PCNX2: variants seen among roughly 807,000 people sequenced by gnomAD.
PCNX2 encodes the protein pecanex-like protein 2.
In PCNX2, 168 loss-of-function variants were observed where a neutral mutation model predicts 223.8. The observed-to-expected ratio is 0.75, with a 90% CI of 0.66 to 0.85. PCNX2 has a LOEUF of 0.85. Ranked by LOEUF, PCNX2 falls within the 40% of genes least tolerant of loss-of-function variation. The probability of loss-of-function intolerance (pLI) is 0.00; values close to 1 mark genes in which losing one functional copy is unlikely to be tolerated. For synonymous variants in PCNX2, 1,006 were observed against 1,052.6 expected (o/e 0.96, Z 0.86); for missense variants, 2,507 against 2,675.5 (o/e 0.94, Z 1.39).
At chr1:233,273,903 G>A (rs1027759661) in intron 1 of PCNX2, among the ~76,000 whole-genome samples, 3 of 152,156 alleles carry the variant, frequency 2.0e-5, no homozygotes, top group Non-Finnish European at 2.9e-5. Flanking sequence ...GATTACAGGC[G>A]TGAGTCATCG....
intron 15 of PCNX2, among the ~76,000 whole-genome samples, chr1:233,185,508 A>G (rs536021997): frequency 2.0e-5 from 3 of 152,198 alleles, no homozygotes; most frequent in Admixed American, 6.5e-5. Flanking sequence ...TAATCACTGT[A>G]ACTTACAAGT....
chr1:233,027,710 C>T (rs954144998), intron 25 of PCNX2, among the ~76,000 whole-genome samples: 10 of 152,166 alleles, frequency 6.6e-5, no homozygotes, highest in African/African-American at 2.4e-4. Flanking sequence ...CACATGTGGT[C>T]TCTGTTGCAG....
chr1:233,129,389 C>A (rs1346316970), intron 21 of PCNX2, among the ~76,000 whole-genome samples: 2 of 152,218 alleles, frequency 1.3e-5, no homozygotes, highest in Non-Finnish European at 2.9e-5. Context: ...AAGCTTCCCC[C>A]ACCCCGCCCC....
intron 8 of PCNX2, among the ~76,000 whole-genome samples, chr1:233,241,891 A>C (rs1379497319): frequency 6.6e-6 from 1 of 152,138 alleles, no homozygotes; most frequent in Non-Finnish European, 1.5e-5. Flanking sequence ...ATTTCTTCTG[A>C]CTAAAGTTAA....
At chr1:233,075,918 A>T (rs756335898) in intron 23 of PCNX2, among the ~76,000 whole-genome samples, 1 of 152,202 alleles carries the variant, frequency 6.6e-6, no homozygotes, top group Non-Finnish European at 1.5e-5. Flanking sequence ...ATGAACTTCA[A>T]CTATTCATTC....
At chr1:233,181,238 C>T (rs758196445) in intron 15 of PCNX2, 1 of 144,938 alleles carries the variant, frequency 6.9e-6, no homozygotes. Context: ...CACTCTCTAT[C>T]ACCCAGGCTA....
chr1:233,321,809 T>A, the PCNX2 span, among the ~76,000 whole-genome samples: 4 of 152,352 alleles, frequency 2.6e-5, no homozygotes, highest in South Asian at 8.3e-4. Context: ...AATACTACAG[T>A]TTGAAGCCAC....
chr1:233,204,435 A>G (rs1232003764), intron 13 of PCNX2, among the ~76,000 whole-genome samples: 1 of 152,146 alleles, frequency 6.6e-6, no homozygotes, highest in African/African-American at 2.4e-5. Context: ...CTAGAGCTGT[A>G]CACTTCTTTT....
intron 23 of PCNX2, among the ~76,000 whole-genome samples, chr1:233,079,251 G>A (rs544791106): frequency 6.6e-6 from 1 of 152,274 alleles, no homozygotes; most frequent in African/African-American, 2.4e-5. Context: ...GTGGCCGGGT[G>A]TGGTGGCTTA....
intron 23 of PCNX2, among the ~76,000 whole-genome samples, chr1:233,060,841 A>G (rs1254323503): frequency 6.6e-6 from 1 of 152,172 alleles, no homozygotes; most frequent in Non-Finnish European, 1.5e-5. Context: ...CTACAGAACA[A>G]GAGTCGTATA....
intron 12 of PCNX2, among the ~76,000 whole-genome samples, chr1:233,216,091 T>C (rs1253329068): frequency 2.6e-5 from 4 of 152,156 alleles, no homozygotes; most frequent in African/African-American, 9.7e-5. Flanking sequence ...TTTCTTTCAT[T>C]GGGAGGGTTT....
intron 19 of PCNX2, among the ~76,000 whole-genome samples, chr1:233,149,019 A>G (rs1677635613): frequency 6.6e-6 from 1 of 152,236 alleles, no homozygotes. Context: ...TGCTTCCTGC[A>G]TCCCCAGATT....
At chr1:233,018,879 CAT>C (rs1385781398) in intron 26 of PCNX2, 2 of 985,278 alleles carry the variant, frequency 2.0e-6, no homozygotes, top group Non-Finnish European at 2.4e-6. Flanking sequence ...TTTATAAAAA[CAT>C]ATTCTTTTTA....
At chr1:233,116,736 A>AT (rs1571896123) in intron 21 of PCNX2, among the ~76,000 whole-genome samples, 1 of 152,144 alleles carries the variant, frequency 6.6e-6, no homozygotes, top group East Asian at 1.9e-4. Context: ...TCCCACCTCA[A>AT]GAGCCCCCCC....
chr1:233,202,939 A>C (rs1350057974), intron 13 of PCNX2, among the ~76,000 whole-genome samples: 1 of 152,200 alleles, frequency 6.6e-6, no homozygotes, highest in East Asian at 1.9e-4. Flanking sequence ...TTCACTAAGC[A>C]ACCTATTCTA....
chr1:233,000,578 G>A lies in PCNX2; in HGVS notation c.5098-43C>T, dbSNP rs571021225. 3 of 1,510,580 alleles carry A rather than the reference G, an allele frequency of 2.0e-6. No homozygotes were observed. In the South Asian group the frequency reaches 3.6e-5, roughly 18 times the overall value. The allele number at this position is 1,510,580 out of a possible 1,614,324, so 93.6% of individuals were successfully genotyped here. ...GGGTGTGGGCTGGGCAAGGACCAGA[G>A]GAACTCACCCCCAGGAAGCATGCAG... On this transcript the variant is annotated intron_variant, in intron 29 of 33. Coordinates refer to ENST00000258229, the MANE Select transcript of PCNX2 (RefSeq NM_014801.4). The surrounding 1 kb of genome is among the most constrained non-coding windows in gnomAD (Gnocchi z 4.6).
chr1:233,062,139 T>C (rs752036156), intron 23 of PCNX2, among the ~76,000 whole-genome samples: 15 of 152,212 alleles, frequency 9.9e-5, no homozygotes, highest in Non-Finnish European at 1.8e-4. Context: ...ATGTCATTAC[T>C]AGAAATTGAA....
chr1:233,211,065 G>A (rs939709883), intron 12 of PCNX2, among the ~76,000 whole-genome samples: 2 of 152,186 alleles, frequency 1.3e-5, no homozygotes, highest in Non-Finnish European at 2.9e-5. Flanking sequence ...ACAGTGGAAT[G>A]GTCAGCTGCT....
chr1:233,176,053 C>T (rs1020591132), intron 17 of PCNX2, among the ~76,000 whole-genome samples: 1 of 152,194 alleles, frequency 6.6e-6, no homozygotes, highest in African/African-American at 2.4e-5. Context: ...ACAAATGAGA[C>T]ACAGTCCTGG....
Sources: allele counts gnomAD v4.1 joint callset (sites outside exome capture counted in the v4.1 genomes callset), GRCh38; gene constraint gnomAD v4.1.1; non-coding constraint Gnocchi (gnomAD v3.1); transcripts MANE v1.5; gene names NCBI Gene and HGNC (gene_info 2026-07-23, HGNC 2026-07-21).